Variants in POLR1E observed in about 807,000 individuals in gnomAD.
The protein encoded by POLR1E is RNA polymerase I subunit E, also known as DNA-directed RNA polymerase I subunit RPA49.
In POLR1E, 37 loss-of-function variants were observed where a neutral mutation model predicts 50.9. The observed-to-expected ratio is 0.73, with a 90% CI of 0.56 to 0.96. The LOEUF (loss-of-function observed/expected upper bound fraction) is 0.96. Ranked by LOEUF, POLR1E falls within the 40% of genes least tolerant of loss-of-function variation. POLR1E has a pLI of 0.00. For synonymous variants in POLR1E, 166 were observed against 191.6 expected (o/e 0.87, Z 1.10); for missense variants, 426 against 518.1 (o/e 0.82, Z 1.73).
At chr9:37,500,757 G>T in intron 9 of POLR1E, 83 bp from the exon 10 acceptor site, 2 of 1,102,180 alleles carry the variant, frequency 1.8e-6, no homozygotes, top group Non-Finnish European at 2.8e-6. Context: ...TGGCCCAGCT[G>T]TTGGCCTTTT....
In POLR1E at chr9:37,492,706, C is replaced by G. The variant is rs1049294748; in HGVS notation, c.393C>G (p.Tyr131Ter). The change falls in exon 5 of 12, where the codon TAC (tyrosine) becomes TAG (stop). Residue 131 changes from tyrosine (Y) to a stop codon, truncating the protein, a stop_gained. Coordinates refer to ENST00000377798, the MANE Select transcript of POLR1E (RefSeq NM_022490.4). LOFTEE classifies it high-confidence loss of function. ...ELALESQTKT[Y>*]REKMDSCIEA... ...CGCTAGAGAGTCAGACCAAAACTTA[C>G]AGAGAAAAGGTGAGTGTGATAGAAT... 2.5e-6 allele frequency: 4 copies of G among 1,613,692 alleles called. No homozygotes were observed. In the Admixed American group the frequency reaches 5.0e-5, roughly 20 times the overall value.
chr9:37,495,101 G>A, intron 6 of POLR1E, 68 bp from the exon 7 acceptor site: 3 of 1,337,022 alleles, frequency 2.2e-6, no homozygotes, highest in Non-Finnish European at 3.2e-6. Flanking sequence ...GAAGTGCACA[G>A]ACTGAAAAGA....
chr9:37,492,404 T>C, intron 4 of POLR1E: 1 of 1,044,446 alleles, frequency 9.6e-7, no homozygotes, highest in East Asian at 3.9e-5. Context: ...GGGCCTTCTG[T>C]TTTTTAATTT....
chr9:37,490,168 A>T (rs1820654385), intron 4 of POLR1E, among the ~76,000 whole-genome samples: 1 of 152,204 alleles, frequency 6.6e-6, no homozygotes, highest in African/African-American at 2.4e-5. Context: ...GACTATCTTC[A>T]AACCAGTACA....
At chr9:37,501,985 A>G (rs539407324) in intron 11 of POLR1E, 141 bp downstream of exon 11, 19 of 859,316 alleles carry the variant, frequency 2.2e-5, no homozygotes, top group African/African-American at 1.4e-4. Context: ...ACTATTTTCA[A>G]TGAATGAATC....
intron 4 of POLR1E, chr9:37,490,645 T>A: frequency 2.8e-6 from 2 of 726,540 alleles, no homozygotes; most frequent in East Asian, 5.4e-5. Context: ...CTAATTCTCT[T>A]GGCAAGAATC....
At chr9:37,489,660 A>G in intron 4 of POLR1E, among the ~76,000 whole-genome samples, 1 of 151,292 alleles carries the variant, frequency 6.6e-6, no homozygotes. Context: ...TGCAACTTCC[A>G]CCTCCCGGGT....
intron 10 of POLR1E, 95 bp downstream of exon 10, chr9:37,501,016 C>T (rs754206187): frequency 3.2e-5 from 39 of 1,226,626 alleles, no homozygotes; most frequent in Admixed American, 4.1e-5. Context: ...TCCATGTCCA[C>T]GGAGATGCAG....
intron 2 of POLR1E, among the ~76,000 whole-genome samples, chr9:37,487,518 C>A (rs1222272429): frequency 6.6e-6 from 1 of 152,162 alleles, no homozygotes; most frequent in Non-Finnish European, 1.5e-5. Context: ...AAAGAACAGG[C>A]CAAAGAGAGA....
intron 8 of POLR1E, among the ~76,000 whole-genome samples, chr9:37,497,232 G>A (rs1415571717): frequency 3.3e-5 from 5 of 152,214 alleles, no homozygotes; most frequent in Non-Finnish European, 7.3e-5. Context: ...GTGCATGCCT[G>A]TAATCCCAGC....
intron 1 of POLR1E, 59 bp from the exon 2 acceptor site, chr9:37,486,644 T>C: frequency 6.2e-7 from 1 of 1,605,740 alleles, no homozygotes; most frequent in Non-Finnish European, 8.5e-7. Context: ...CACCGTACAT[T>C]GTGTGGTACA....
chr9:37,488,885 C>A (rs899891589), intron 3 of POLR1E, among the ~76,000 whole-genome samples: 1 of 151,822 alleles, frequency 6.6e-6, no homozygotes, highest in Non-Finnish European at 1.5e-5. Context: ...ATTATTGTTA[C>A]CCATGAGTAG....
chr9:37,490,387 A>G, intron 4 of POLR1E: 1 of 672,432 alleles, frequency 1.5e-6, no homozygotes, highest in African/African-American at 1.8e-5. Flanking sequence ...AAACATTTTT[A>G]CAGTCCAGAG....
chr9:37,502,896 C>T, intron 11 of POLR1E, 147 bp from the exon 12 acceptor site: 1 of 815,828 alleles, frequency 1.2e-6, no homozygotes, highest in African/African-American at 1.7e-5. Context: ...TTGCCTGCCT[C>T]TCTGCCAGGG....
intron 1 of POLR1E, 153 bp downstream of exon 1, chr9:37,486,276 C>T: frequency 7.9e-7 from 1 of 1,272,336 alleles, no homozygotes; most frequent in Non-Finnish European, 1.1e-6. Flanking sequence ...TCAGGGCTCC[C>T]CTGTCCGTCT....
In POLR1E at chr9:37,485,989, A is replaced by G. The variant is rs1820563063; in HGVS notation, c.-59A>G. ...CGCGGCCTGGGCTCCCGCGTGTTTA[A>G]AAGTGCGCTTGTGGCTGCTGCTGTC... On this transcript the variant is annotated 5_prime_UTR_variant, in exon 1 of 12. Coordinates refer to ENST00000377798, the MANE Select transcript of POLR1E (RefSeq NM_022490.4). The G allele has an allele frequency of 6.4e-7, 1 of 1,567,200 alleles. No individual in the cohort carries two copies. Among genetic ancestry groups the G allele is most frequent in the Non-Finnish European group, 8.7e-7 (1 of 1,155,696 alleles).
intron 1 of POLR1E, chr9:37,486,442 T>A (rs776406717): frequency 6.5e-6 from 10 of 1,547,470 alleles, no homozygotes; most frequent in Non-Finnish European, 8.7e-6. Flanking sequence ...ACTTTAGGTA[T>A]GTACCAGGCC....
intron 6 of POLR1E, 40 bp downstream of exon 6, chr9:37,493,743 G>T (rs559632644): frequency 1.4e-6 from 2 of 1,428,226 alleles, no homozygotes; most frequent in South Asian, 1.7e-5. Context: ...TGCCCATAAT[G>T]ACAGCTTTCT....
chr9:37,490,588 T>C (rs1820666183), intron 4 of POLR1E: 2 of 712,800 alleles, frequency 2.8e-6, no homozygotes, highest in Non-Finnish European at 2.6e-6. Context: ...ACCCGTTTCA[T>C]GAAGCTTTCT....
Sources: allele counts gnomAD v4.1 joint callset (sites outside exome capture counted in the v4.1 genomes callset), GRCh38; gene constraint gnomAD v4.1.1; transcripts MANE v1.5; gene names NCBI Gene and HGNC (gene_info 2026-07-23, HGNC 2026-07-21).